Variants in HNRNPA1L2 observed in about 807,000 individuals in gnomAD.
HNRNPA1L2 encodes heterogeneous nuclear ribonucleoprotein A1 like 2, also known as heterogeneous nuclear ribonucleoprotein A1-like 2.
Under a neutral mutation model 18.2 loss-of-function variants are expected in HNRNPA1L2, and 10 were observed. The observed-to-expected ratio is 0.55, with a 90% CI of 0.34 to 0.93. The LOEUF is 0.93. HNRNPA1L2 is among the 40% of genes least tolerant of loss of function. The pLI, the probability that HNRNPA1L2 is intolerant of heterozygous loss-of-function variation, is 0.02. For synonymous variants in HNRNPA1L2, 124 were observed against 138.6 expected (o/e 0.89, Z 0.74); for missense variants, 308 against 394.4 (o/e 0.78, Z 1.85).
the HNRNPA1L2 span, among the ~76,000 whole-genome samples, chr13:52,625,693 TAAC>T: frequency 5.9e-5 from 9 of 152,224 alleles, no homozygotes; most frequent in South Asian, 1.5e-3. Context: ...ATGAAAGAAA[TAAC>T]AATGATGTGG....
At chr13:52,639,715 A>AT (rs1157674908), upstream of HNRNPA1L2, among the ~76,000 whole-genome samples, 1 of 151,096 alleles carries the variant, frequency 6.6e-6, no homozygotes, top group Admixed American at 6.6e-5. Flanking sequence ...AAAAAAAAAA[A>AT]ATCAAAACTA....
the HNRNPA1L2 span, among the ~76,000 whole-genome samples, chr13:52,635,575 A>AACACAC: frequency 2.4e-3 from 337 of 143,360 alleles, 4 homozygotes; most frequent in East Asian, 0.018. Flanking sequence ...GTCCTTTTGC[A>AACACAC]ACACACACAC....
the HNRNPA1L2 span, among the ~76,000 whole-genome samples, chr13:52,621,536 T>C: frequency 4.5e-4 from 68 of 152,106 alleles, 3 homozygotes; most frequent in East Asian, 0.013. Context: ...CATGTCAGAG[T>C]TTTTCTACCG....
chr13:52,631,256 A>G, the HNRNPA1L2 span, among the ~76,000 whole-genome samples: 1 of 152,202 alleles, frequency 6.6e-6, no homozygotes, highest in Non-Finnish European at 1.5e-5. Flanking sequence ...GGCACCTTTT[A>G]TAGCCTCCAT....
chr13:52,630,131 A>C, the HNRNPA1L2 span, among the ~76,000 whole-genome samples: 1 of 152,248 alleles, frequency 6.6e-6, no homozygotes. Flanking sequence ...GCCATGTCTT[A>C]CATAGTTATT....
chr13:52,619,659 C>A, the HNRNPA1L2 span, among the ~76,000 whole-genome samples: 1 of 151,834 alleles, frequency 6.6e-6, no homozygotes, highest in African/African-American at 2.4e-5. Context: ...TGGTGGCTCA[C>A]GCCTGTAATC....
chr13:52,642,263 G>A, upstream of HNRNPA1L2: 1 of 573,586 alleles, frequency 1.7e-6, no homozygotes, highest in East Asian at 2.9e-5. Context: ...CAGCAAGGAA[G>A]AAGGGAGGAA....
chr13:52,635,146 T>C, the HNRNPA1L2 span, among the ~76,000 whole-genome samples: 1 of 152,328 alleles, frequency 6.6e-6, no homozygotes, highest in East Asian at 1.9e-4. Context: ...ATATTTAATA[T>C]CTGCCAGTCA....
In HNRNPA1L2 at chr13:52,643,359, T is replaced by C; in HGVS notation, c.867T>C (p.Tyr289=). Reference sequence around the variant, plus strand: ...TTGGAGGCAGAAGCTCTGGCCCCTATGGCGGTGGAGGCCAATACTTTGCAA... The same window carrying C: ...TTGGAGGCAGAAGCTCTGGCCCCTACGGCGGTGGAGGCCAATACTTTGCAA... ...GNFGGRSSGP[Y]GGGGQYFAKP... The change falls in exon 1 of 1, where the codon TAT becomes TAC. Residue 289 remains tyrosine, a synonymous_variant. Transcript: ENST00000357495. 6.3e-7 allele frequency: 1 copy of C among 1,598,416 alleles called. No homozygotes were observed. The highest frequency in any genetic ancestry group is 8.5e-7 in the Non-Finnish European group (1 of 1,179,766).
chr13:52,617,862 A>C, the HNRNPA1L2 span, among the ~76,000 whole-genome samples: 1 of 152,236 alleles, frequency 6.6e-6, no homozygotes, highest in East Asian at 1.9e-4. Context: ...TTGCCCAAGG[A>C]AACATAGCGT....
the HNRNPA1L2 span, among the ~76,000 whole-genome samples, chr13:52,633,484 G>A: frequency 6.6e-6 from 1 of 152,088 alleles, no homozygotes; most frequent in Non-Finnish European, 1.5e-5. Flanking sequence ...AGTACAAATG[G>A]TCTCCAGAGT....
chr13:52,637,427 C>A, the HNRNPA1L2 span: 1 of 261,238 alleles, frequency 3.8e-6, no homozygotes, highest in South Asian at 5.8e-5. Context: ...ACTGAGAGTT[C>A]CCAATTAATA....
upstream of HNRNPA1L2, chr13:52,642,340 C>T: frequency 2.0e-6 from 2 of 1,001,928 alleles, no homozygotes; most frequent in Non-Finnish European, 3.0e-6. Flanking sequence ...TGTTCAGGCC[C>T]ATATGAAAAA....
chr13:52,625,568 G>A, the HNRNPA1L2 span, among the ~76,000 whole-genome samples: 2 of 152,004 alleles, frequency 1.3e-5, no homozygotes, highest in Non-Finnish European at 2.9e-5. Flanking sequence ...TAACTATGAA[G>A]GAAATTATTG....
the HNRNPA1L2 span, among the ~76,000 whole-genome samples, chr13:52,620,116 A>C: frequency 1.3e-5 from 2 of 151,976 alleles, no homozygotes; most frequent in African/African-American, 4.8e-5. Flanking sequence ...GCATTTTTTG[A>C]AATTGCCGTT....
At chr13:52,628,944 C>T in the HNRNPA1L2 span, among the ~76,000 whole-genome samples, 1 of 152,092 alleles carries the variant, frequency 6.6e-6, no homozygotes, top group Non-Finnish European at 1.5e-5. Context: ...GGTGCGATTT[C>T]GGCTTACTGC....
chr13:52,626,572 C>T, the HNRNPA1L2 span, among the ~76,000 whole-genome samples: 9 of 151,916 alleles, frequency 5.9e-5, no homozygotes, highest in Non-Finnish European at 8.8e-5. Context: ...ACGCAAAGTA[C>T]GCAAAATGGT....
At chr13:52,635,683 T>C in the HNRNPA1L2 span, among the ~76,000 whole-genome samples, 29 of 151,844 alleles carry the variant, frequency 1.9e-4, no homozygotes, top group Non-Finnish European at 3.7e-4. Context: ...TCTCTTAGAA[T>C]TGTACATAAA....
At chr13:52,640,940 C>T (rs981595583), upstream of HNRNPA1L2, 1 of 152,168 alleles carries the variant, frequency 6.6e-6, no homozygotes, top group East Asian at 1.9e-4. Context: ...ATCATGCAGC[C>T]CAGGTAATTT....
Sources: gnomAD v4.1 joint callset for allele counts (sites outside exome capture counted in the v4.1 genomes callset) on GRCh38, gnomAD v4.1.1 for gene constraint, MANE v1.5 for transcripts, NCBI Gene and HGNC (gene_info 2026-07-23, HGNC 2026-07-21) for gene names.